The following DNAJC3 variants were observed in gnomAD, a reference collection of about 807,000 sequenced individuals.
The protein encoded by DNAJC3 is dnaJ homolog subfamily C member 3.
In DNAJC3, 38 loss-of-function variants were observed where a neutral mutation model predicts 68.6. The observed-to-expected ratio is 0.55, with a 90% CI of 0.43 to 0.73. DNAJC3 has a LOEUF of 0.73. Among genes scored for constraint, DNAJC3 ranks in the 30% least tolerant of loss-of-function variants. The pLI is 0.00. For missense variants in DNAJC3, 526 were observed against 591.9 expected (o/e 0.89, Z 1.16); for synonymous variants, 203 against 204.0 (o/e 1.00, Z 0.04).
At chr13:95,742,231 C>T (rs534879730) in intron 4 of DNAJC3, among the ~76,000 whole-genome samples, 2 of 152,244 alleles carry the variant, frequency 1.3e-5, no homozygotes, top group African/African-American at 4.8e-5. Flanking sequence ...GCTCTGGTGG[C>T]AGCAACCAGC....
rs755416117 is a variant in DNAJC3, at chr13:95,786,024, G to C, written c.1161G>C (p.Leu387Phe). Residue 387 changes from leucine to phenylalanine, a missense_variant, in exon 10 of 12, where the codon TTG (leucine) becomes TTC (phenylalanine). Coordinates refer to ENST00000602402, the MANE Select transcript of DNAJC3 (RefSeq NM_006260.5). The part of the protein sequence containing the change: ...REGLEKAQRL[L>F]KQSQKRDYYK... ...GTCTAGAGAAAGCACAAAGATTATT[G>C]AAACAGTCGCAGAAACGAGATTATT... 3 of 1,611,196 alleles carry C rather than the reference G, an allele frequency of 1.9e-6. No homozygotes were observed. Among genetic ancestry groups the C allele is most frequent in the Admixed American group, 3.4e-5 (2 of 59,590 alleles).
At chr13:95,767,691 G>GTTTTTTTT (rs796243780) in intron 9 of DNAJC3, among the ~76,000 whole-genome samples, 23 of 135,792 alleles carry the variant, frequency 1.7e-4, no homozygotes, top group African/African-American at 6.3e-4. Flanking sequence ...AGTTTTTTGG[G>GTTTTTTTT]TTTTTTTTTT....
In DNAJC3 at chr13:95,760,710, G is replaced by A. The variant is rs757173395; in HGVS notation, c.760G>A (p.Asp254Asn). 6.8e-6 allele frequency: 11 copies of A among 1,611,324 alleles called. No individual in the cohort carries two copies. The highest frequency in any genetic ancestry group is 7.6e-6 in the Non-Finnish European group (9 of 1,178,952). ...TCGGGAATGTCTTAAACTTGACCAG[G>A]ATCATAAAAGGTGTTTTGCACACTA... ...EVRECLKLDQ[D>N]HKRCFAHYKQ... Residue 254 changes from aspartate (D) to asparagine (N), a missense_variant, in exon 7 of 12, where the codon GAT becomes AAT. Transcript: ENST00000602402.
chr13:95,677,294 G>A lies in DNAJC3; in HGVS notation c.39G>A (p.Ser13=). The A allele has an allele frequency of 6.2e-7, 1 of 1,601,030 alleles. No individual in the cohort carries two copies. Among genetic ancestry groups the A allele is most frequent in the Non-Finnish European group, 8.5e-7 (1 of 1,174,986 alleles). ...APGSVTSRLG[S]VFPFLLVLVD... ...GCTCCGTGACCAGCCGGCTGGGCTCGGTATTCCCCTTCCTGCTAGTCCTGG... is the reference window on the plus strand; with the variant it reads ...GCTCCGTGACCAGCCGGCTGGGCTCAGTATTCCCCTTCCTGCTAGTCCTGG... The change falls in exon 1 of 12, where the codon TCG becomes TCA. Residue 13 remains serine (S), a synonymous_variant. Transcript: ENST00000602402.
At chr13:95,783,115 T>G (rs1283919331) in intron 9 of DNAJC3, among the ~76,000 whole-genome samples, 1 of 152,180 alleles carries the variant, frequency 6.6e-6, no homozygotes, top group African/African-American at 2.4e-5. Context: ...TGTTTTGTTT[T>G]GTTTTGTTTT....
intron 4 of DNAJC3, among the ~76,000 whole-genome samples, chr13:95,736,729 A>G (rs1451489190): frequency 1.2e-4 from 17 of 147,540 alleles, no homozygotes; most frequent in South Asian, 4.3e-4. Context: ...GGCTGAGACA[A>G]TGGGGTTTTC....
intron 9 of DNAJC3, among the ~76,000 whole-genome samples, chr13:95,781,011 G>A (rs897677009): frequency 2.0e-5 from 3 of 152,108 alleles, no homozygotes; most frequent in African/African-American, 4.8e-5. Context: ...GGGAGCTCAG[G>A]GCAGGCTGTA....
intron 1 of DNAJC3, among the ~76,000 whole-genome samples, chr13:95,706,854 C>T (rs1197651129): frequency 1.3e-5 from 2 of 152,162 alleles, no homozygotes; most frequent in Non-Finnish European, 1.5e-5. Flanking sequence ...TGTTTTAATT[C>T]AGCAACCCTC....
chr13:95,776,739 C>T (rs879290490), intron 9 of DNAJC3, among the ~76,000 whole-genome samples: 8 of 152,194 alleles, frequency 5.3e-5, no homozygotes, highest in Admixed American at 2.6e-4. Flanking sequence ...TCCTCTTCCT[C>T]ACTGTTCTTC....
intron 1 of DNAJC3, among the ~76,000 whole-genome samples, chr13:95,677,548 C>G (rs1879792848): frequency 6.6e-6 from 1 of 152,166 alleles, no homozygotes; most frequent in Non-Finnish European, 1.5e-5. Flanking sequence ...GGGGCCGGGA[C>G]AGCGGGTTTG....
At position 95,758,124 on chromosome 13, in the gene DNAJC3, A is replaced by G. The variant is rs563597886; in HGVS notation, c.546+328A>G. ...AAAAGATGAAAAAGATGGTTGGAGT[A>G]AAAGGAAAAATGATGTTCGGGAGGA... On this transcript the variant is annotated intron_variant, in intron 5 of 11. Transcript: ENST00000602402. 2.0e-5 allele frequency among the ~76,000 whole-genome samples: 3 copies of G among 152,332 alleles called. No individual in the cohort carries two copies. In the East Asian group the frequency reaches 5.8e-4, roughly 29 times the overall value.
chr13:95,679,909 A>G lies in DNAJC3; in HGVS notation c.82+2572A>G, dbSNP rs1281735590. On this transcript the variant is annotated intron_variant, in intron 1 of 11. Coordinates refer to ENST00000602402, the MANE Select transcript of DNAJC3 (RefSeq NM_006260.5). ...GCACAGGATGGGGAAGAGATAACCT[A>G]GTGTTTTTCTGATTTTGAAATATTT... is the stretch of plus-strand genomic sequence containing the variant. Among the ~76,000 whole-genome samples, 7 of 152,292 alleles carry G rather than the reference A, an allele frequency of 4.6e-5. No homozygotes were observed. In the East Asian group the frequency reaches 9.6e-4, roughly 21 times the overall value.
chr13:95,753,709 A>C (rs1226039283), intron 4 of DNAJC3, among the ~76,000 whole-genome samples: 1 of 152,174 alleles, frequency 6.6e-6, no homozygotes, highest in African/African-American at 2.4e-5. Flanking sequence ...CTAATATCTA[A>C]TGCAATGGAA....
chr13:95,768,315 G>A (rs189006447), intron 9 of DNAJC3, among the ~76,000 whole-genome samples: 46 of 152,224 alleles, frequency 3.0e-4, no homozygotes, highest in Middle Eastern at 3.4e-3. Flanking sequence ...ATCTAAATCC[G>A]TGGTTTCCAC....
At chr13:95,745,679 G>GT (rs748462378) in intron 4 of DNAJC3, 6 of 152,240 alleles carry the variant, frequency 3.9e-5, no homozygotes, top group Non-Finnish European at 5.9e-5. Context: ...GCTTCAACCT[G>GT]TTTGGATATG....
At chr13:95,722,819 C>G (rs1881371719) in intron 2 of DNAJC3, among the ~76,000 whole-genome samples, 1 of 4,258 alleles carries the variant, frequency 2.3e-4, no homozygotes, top group African/African-American at 5.3e-4. Flanking sequence ...TTGTCCGCCC[C>G]CCCCCCCCCC....
At chr13:95,786,951 A>G in intron 10 of DNAJC3, 56 bp from the exon 11 acceptor site, 1 of 1,555,964 alleles carries the variant, frequency 6.4e-7, no homozygotes. Flanking sequence ...TCTGATTTTT[A>G]TGATAGTATG....
rs1880533891 is a variant in DNAJC3, at chr13:95,699,634, G to A, written c.83-9593G>A. 2.0e-5 allele frequency among the ~76,000 whole-genome samples: 3 copies of A among 152,238 alleles called. No homozygotes were observed. The South Asian group carries it at 6.2e-4, about 32-fold the overall frequency. On this transcript the variant is annotated intron_variant, in intron 1 of 11. Coordinates refer to ENST00000602402, the MANE Select transcript of DNAJC3 (RefSeq NM_006260.5). ...GGTCTTTGGAAATGGATCTTGTTTCGGTAGTTGTTGTGAGTCCTTGGGCAG... is the reference window on the plus strand; with the variant it reads ...GGTCTTTGGAAATGGATCTTGTTTCAGTAGTTGTTGTGAGTCCTTGGGCAG...
chr13:95,783,774 A>G (rs1416725678), intron 9 of DNAJC3, among the ~76,000 whole-genome samples: 3 of 152,216 alleles, frequency 2.0e-5, no homozygotes, highest in African/African-American at 4.8e-5. Context: ...AGCTAAAGAC[A>G]GGGGGTCCTT....
Sources: allele counts gnomAD v4.1 joint callset (sites outside exome capture counted in the v4.1 genomes callset), GRCh38; gene constraint gnomAD v4.1.1; transcripts MANE v1.5; gene names NCBI Gene and HGNC (gene_info 2026-07-23, HGNC 2026-07-21).